CACNA2D3: variants seen among roughly 807,000 people sequenced by gnomAD.
CACNA2D3 encodes the protein voltage-dependent calcium channel subunit alpha-2/delta-3.
In CACNA2D3, 60 loss-of-function variants were observed where a neutral mutation model predicts 160.6. The ratio of observed to expected loss-of-function variants is 0.37; its 90% CI spans 0.30 to 0.46. CACNA2D3 has a LOEUF of 0.46. Among genes scored for constraint, CACNA2D3 ranks in the 20% least tolerant of loss-of-function variants. The pLI is 1.00. For missense variants in CACNA2D3, 1,205 were observed against 1,365.0 expected (o/e 0.88, Z 1.85); for synonymous variants, 558 against 492.9 (o/e 1.13, Z -1.75).
intron 5 of CACNA2D3, among the ~76,000 whole-genome samples, chr3:54,535,368 T>C (rs768399117): frequency 2.6e-5 from 4 of 152,264 alleles, no homozygotes; most frequent in African/African-American, 9.6e-5. Context: ...TTTAAATGAA[T>C]AAGCAAATAT....
At chr3:54,482,711 C>A (rs112234352) in intron 4 of CACNA2D3, among the ~76,000 whole-genome samples, 15 of 152,266 alleles carry the variant, frequency 9.9e-5, no homozygotes, top group African/African-American at 3.4e-4. Context: ...CATGTAAATG[C>A]CACTGGGTCT....
At chr3:54,617,157 C>T (rs1040243509) in intron 9 of CACNA2D3, among the ~76,000 whole-genome samples, 1 of 152,192 alleles carries the variant, frequency 6.6e-6, no homozygotes, top group African/African-American at 2.4e-5. Context: ...TGAGAGCATG[C>T]ATGTGGAAGT....
chr3:54,274,080 C>G (rs1702681706), intron 2 of CACNA2D3, among the ~76,000 whole-genome samples: 1 of 152,066 alleles, frequency 6.6e-6, no homozygotes. Context: ...TGTTAGTCTA[C>G]TGGAAATGAC....
Position 54,844,217 on chromosome 3 carries a change from A to G in CACNA2D3, c.1552-2176A>G, listed in dbSNP as rs1575507468. On this transcript the variant is annotated intron_variant, in intron 16 of 37. Coordinates refer to ENST00000474759, the MANE Select transcript of CACNA2D3 (RefSeq NM_018398.3). ...GAAACTGAGGGAATAGTGTCGAGGAAGAGGAAGCAATGGGCTAAGAAAAGT... is the reference window on the plus strand; with the variant it reads ...GAAACTGAGGGAATAGTGTCGAGGAGGAGGAAGCAATGGGCTAAGAAAAGT... Among the ~76,000 whole-genome samples the G allele has an allele frequency of 2.0e-5, 3 of 152,292 alleles. No homozygotes were observed. The South Asian group carries it at 6.2e-4, about 32-fold the overall frequency.
At chr3:54,547,209 T>C (rs1228702991) in intron 5 of CACNA2D3, among the ~76,000 whole-genome samples, 1 of 152,228 alleles carries the variant, frequency 6.6e-6, no homozygotes, top group Non-Finnish European at 1.5e-5. Context: ...TTACTGGAAG[T>C]TGGCATAATT....
At chr3:54,807,954 A>G (rs1703175970) in intron 13 of CACNA2D3, among the ~76,000 whole-genome samples, 1 of 147,656 alleles carries the variant, frequency 6.8e-6, no homozygotes, top group African/African-American at 2.5e-5. Flanking sequence ...CTATCACAAG[A>G]ACAAAAAACC....
In CACNA2D3 at chr3:54,985,712, A is replaced by C. The variant is rs76347111; in HGVS notation, c.2619+1042A>C. On this transcript the variant is annotated intron_variant, in intron 30 of 37. Coordinates refer to ENST00000474759, the MANE Select transcript of CACNA2D3 (RefSeq NM_018398.3). ...CAGCAGTATGATAGGTTCACTGCTTAATCAATTAGTTAATTGTCCTTAAGT... is the reference window on the plus strand; with the variant it reads ...CAGCAGTATGATAGGTTCACTGCTTCATCAATTAGTTAATTGTCCTTAAGT... Among the ~76,000 whole-genome samples the C allele has an allele frequency of 3.1e-3, 479 of 152,362 alleles. 1 individual carries two copies. The highest frequency in any genetic ancestry group is 6.8e-3 in the Middle Eastern group (2 of 294).
At chr3:54,763,556 T>C (rs1702124153) in intron 12 of CACNA2D3, among the ~76,000 whole-genome samples, 1 of 150,918 alleles carries the variant, frequency 6.6e-6, no homozygotes, top group Non-Finnish European at 1.5e-5. Flanking sequence ...TTACAAAATA[T>C]CATGTAGAAA....
chr3:54,656,008 T>A (rs2106872486), intron 11 of CACNA2D3, among the ~76,000 whole-genome samples: 1 of 152,192 alleles, frequency 6.6e-6, no homozygotes, highest in African/African-American at 2.4e-5. Context: ...TCTTGCAGGG[T>A]TGTTTTTGGG....
At chr3:54,902,057 A>G (rs373134730) in intron 27 of CACNA2D3, among the ~76,000 whole-genome samples, 1 of 152,238 alleles carries the variant, frequency 6.6e-6, no homozygotes, top group Non-Finnish European at 1.5e-5. Context: ...TGAATATGTG[A>G]GCAGGCTTTT....
chr3:54,763,421 G>A (rs1312171374), intron 12 of CACNA2D3, among the ~76,000 whole-genome samples: 2 of 151,912 alleles, frequency 1.3e-5, no homozygotes, highest in African/African-American at 4.8e-5. Flanking sequence ...AAATTTTATG[G>A]CACCTAGCAC....
intron 12 of CACNA2D3, among the ~76,000 whole-genome samples, chr3:54,754,256 T>C (rs565631293): frequency 1.5e-4 from 23 of 152,194 alleles, no homozygotes; most frequent in Non-Finnish European, 2.4e-4. Flanking sequence ...AGCAAGTTAA[T>C]AGGGAGGAGA....
intron 35 of CACNA2D3, among the ~76,000 whole-genome samples, chr3:55,061,461 G>A (rs535959402): frequency 2.8e-4 from 42 of 152,250 alleles, no homozygotes; most frequent in African/African-American, 7.2e-4. Context: ...GTGATGATAC[G>A]GAATTTAAGA....
chr3:54,286,143 G>C (rs539232724), intron 2 of CACNA2D3, among the ~76,000 whole-genome samples: 13 of 152,292 alleles, frequency 8.5e-5, no homozygotes, highest in African/African-American at 3.1e-4. Flanking sequence ...GCTACAGGAG[G>C]AAATTCAAAC....
At chr3:54,714,101 C>T (rs1378247352) in intron 11 of CACNA2D3, among the ~76,000 whole-genome samples, 1 of 151,982 alleles carries the variant, frequency 6.6e-6, no homozygotes, top group African/African-American at 2.4e-5. Context: ...CTGGACTCCA[C>T]AGGAGTTATA....
chr3:54,484,133 G>A (rs74501384), intron 4 of CACNA2D3, among the ~76,000 whole-genome samples: 3,113 of 152,216 alleles, frequency 0.02, 87 homozygotes, highest in East Asian at 0.11. Context: ...GAAACACTAC[G>A]GTACTCCCAG....
chr3:54,864,805 G>A (rs987109373), intron 17 of CACNA2D3, among the ~76,000 whole-genome samples: 5 of 152,188 alleles, frequency 3.3e-5, no homozygotes, highest in African/African-American at 1.2e-4. Flanking sequence ...GCCGAGGGCC[G>A]GTGACCACCA....
chr3:54,693,347 C>G (rs1429142354), intron 11 of CACNA2D3, among the ~76,000 whole-genome samples: 1 of 152,172 alleles, frequency 6.6e-6, no homozygotes, highest in Non-Finnish European at 1.5e-5. Flanking sequence ...TTCCAGCCAC[C>G]TAGGCTGCAG....
chr3:54,438,010 C>A (rs895155968), intron 4 of CACNA2D3, among the ~76,000 whole-genome samples: 4 of 152,024 alleles, frequency 2.6e-5, no homozygotes, highest in African/African-American at 9.7e-5. Context: ...TATATGAGTT[C>A]TGTAGAGGCT....
Sources: gnomAD v4.1 joint callset for allele counts (sites outside exome capture counted in the v4.1 genomes callset) on GRCh38, gnomAD v4.1.1 for gene constraint, MANE v1.5 for transcripts, NCBI Gene and HGNC (gene_info 2026-07-23, HGNC 2026-07-21) for gene names.